Variants in BAALC observed in about 807,000 individuals in gnomAD.
The protein encoded by BAALC is BAALC binder of MAP3K1 and KLF4, also known as brain and acute leukemia cytoplasmic protein.
In BAALC, 9 loss-of-function variants were observed where a neutral mutation model predicts 15.5. The ratio of observed to expected loss-of-function variants is 0.58; its 90% confidence interval spans 0.35 to 1.02. BAALC has a LOEUF of 1.02. Ranked by LOEUF, BAALC falls within the 50% of genes least tolerant of loss-of-function variation. The pLI, the probability that BAALC is intolerant of heterozygous loss-of-function variation, is 0.02. For synonymous variants in BAALC, 80 were observed against 74.6 expected, an observed-to-expected ratio of 1.07 and a Z score of -0.37; for missense variants, 201 against 192.4, an observed-to-expected ratio of 1.04 and a Z score of -0.27.
intron 1 of BAALC, among the ~76,000 whole-genome samples, chr8:103,211,755 T>C (rs1465196358): frequency 2.6e-5 from 4 of 152,228 alleles, no homozygotes; most frequent in Non-Finnish European, 5.9e-5. Context: ...ATACCAGTCT[T>C]CTTAACCTGG....
chr8:103,169,289 C>T (rs917928460), intron 1 of BAALC, among the ~76,000 whole-genome samples: 4 of 152,054 alleles, frequency 2.6e-5, no homozygotes, highest in African/African-American at 7.2e-5. Flanking sequence ...CTTTTCATAG[C>T]ATCTCATTCT....
chr8:103,182,170 A>G (rs1250872132), intron 1 of BAALC, among the ~76,000 whole-genome samples: 1 of 152,064 alleles, frequency 6.6e-6, no homozygotes, highest in Non-Finnish European at 1.5e-5. Flanking sequence ...AGGAACCCCC[A>G]TTTCTTCATC....
intron 2 of BAALC, among the ~76,000 whole-genome samples, chr8:103,224,926 T>C (rs1008222416): frequency 6.6e-6 from 1 of 152,120 alleles, no homozygotes; most frequent in Non-Finnish European, 1.5e-5. Flanking sequence ...ACCCCTTAGA[T>C]AGGAGTTGGG....
chr8:103,148,063 C>T (rs1465057360), intron 1 of BAALC, among the ~76,000 whole-genome samples: 1 of 152,170 alleles, frequency 6.6e-6, no homozygotes, highest in South Asian at 2.1e-4. Flanking sequence ...GAAGCCCTAA[C>T]CCCCTCTCTA....
intron 1 of BAALC, among the ~76,000 whole-genome samples, chr8:103,157,589 C>T (rs536443061): frequency 1.3e-5 from 2 of 152,272 alleles, no homozygotes; most frequent in African/African-American, 2.4e-5. Flanking sequence ...AGGAGGATCA[C>T]CTGAGCCTAT....
At chr8:103,216,655 T>C (rs1812563105) in intron 2 of BAALC, among the ~76,000 whole-genome samples, 3 of 152,116 alleles carry the variant, frequency 2.0e-5, no homozygotes, top group Non-Finnish European at 4.4e-5. Flanking sequence ...TGTTAATTAT[T>C]TGCAGAGAGG....
chr8:103,213,414 C>G (rs1812495225), intron 2 of BAALC: 1 of 192,030 alleles, frequency 5.2e-6, no homozygotes, highest in South Asian at 1.8e-4. Flanking sequence ...GCTGGCCAGT[C>G]TCAGGGGTTG....
chr8:103,230,258 C>A lies in BAALC; in HGVS notation c.*2159C>A, dbSNP rs1405049973. ...TCCTTACTATCCTATTAGGATACCA[C>A]TTTTCATTGCAAAGTTTGTGTCAAT... On this transcript the variant is annotated 3_prime_UTR_variant, in exon 3 of 3. Transcript: ENST00000309982. 1.3e-5 allele frequency: 2 copies of A among 152,170 alleles called. No individual in the cohort carries two copies. The highest frequency in any genetic ancestry group is 1.5e-5 in the Non-Finnish European group (1 of 68,032). The allele number at this position is 152,170 out of a possible 1,614,324, so 9.4% of individuals were successfully genotyped here.
At chr8:103,146,129 C>A (rs762869506) in intron 1 of BAALC, among the ~76,000 whole-genome samples, 5 of 152,146 alleles carry the variant, frequency 3.3e-5, no homozygotes, top group Non-Finnish European at 7.4e-5. Context: ...TCAGCATTGT[C>A]CATGGTCCAT....
chr8:103,166,159 GTC>G (rs1439043395), intron 1 of BAALC: 1 of 152,624 alleles, frequency 6.6e-6, no homozygotes, highest in African/African-American at 2.4e-5. Flanking sequence ...TTTGCATCAT[GTC>G]TTTTAGGGAT....
rs1812882934 is a variant in BAALC, at chr8:103,229,692, T to C, written c.*1593T>C. 1 of 152,206 alleles carries C rather than the reference T, an allele frequency of 6.6e-6. No individual in the cohort carries two copies. The highest frequency in any genetic ancestry group is 2.4e-5 in the African/African-American group (1 of 41,450). 9.4% of individuals were successfully genotyped at this position (152,206 alleles called of 1,614,324 possible). ...GCAAATCACTCTGCAATGGAAACTTTTATATTCAGGGTAGGTTTGTGTCTT... is the reference window on the plus strand; with the variant it reads ...GCAAATCACTCTGCAATGGAAACTTCTATATTCAGGGTAGGTTTGTGTCTT... On this transcript the variant is annotated 3_prime_UTR_variant, in exon 3 of 3. Coordinates refer to ENST00000309982, the MANE Select transcript of BAALC (RefSeq NM_024812.3).
chr8:103,145,748 C>A (rs1308061056), intron 1 of BAALC, among the ~76,000 whole-genome samples: 2 of 152,092 alleles, frequency 1.3e-5, no homozygotes, highest in East Asian at 3.9e-4. Context: ...TGCTATGTAC[C>A]CAGCACCTGG....
intron 1 of BAALC, among the ~76,000 whole-genome samples, chr8:103,160,122 G>A (rs1811188900): frequency 6.6e-6 from 1 of 151,986 alleles, no homozygotes; most frequent in Non-Finnish European, 1.5e-5. Context: ...AACAGTGGAG[G>A]GTGTCCAGGT....
chr8:103,188,132 C>G (rs1206310474), intron 1 of BAALC, among the ~76,000 whole-genome samples: 1 of 152,068 alleles, frequency 6.6e-6, no homozygotes, highest in Non-Finnish European at 1.5e-5. Context: ...TGTCATGGAC[C>G]CAGCATCTCC....
At chr8:103,220,946 T>C (rs1244355995) in intron 2 of BAALC, among the ~76,000 whole-genome samples, 1 of 152,240 alleles carries the variant, frequency 6.6e-6, no homozygotes, top group African/African-American at 2.4e-5. Context: ...AATCCCATGT[T>C]AGGTACAGAT....
At chr8:103,170,376 G>A (rs544338930) in intron 1 of BAALC, among the ~76,000 whole-genome samples, 1 of 152,206 alleles carries the variant, frequency 6.6e-6, no homozygotes, top group East Asian at 1.9e-4. Context: ...GTACATGTGA[G>A]TGTGGCCTTA....
chr8:103,173,179 C>T (rs553798683), intron 1 of BAALC, among the ~76,000 whole-genome samples: 43 of 152,196 alleles, frequency 2.8e-4, no homozygotes, highest in Non-Finnish European at 5.4e-4. Context: ...CTTTAGCCAT[C>T]CACGGCACTT....
At chr8:103,220,671 T>C (rs1173350364) in intron 2 of BAALC, among the ~76,000 whole-genome samples, 6 of 152,152 alleles carry the variant, frequency 3.9e-5, no homozygotes, top group African/African-American at 1.4e-4. Flanking sequence ...GTAAAGAACA[T>C]AGGGAGAGAG....
At chr8:103,220,041 A>G (rs1441967954) in intron 2 of BAALC, among the ~76,000 whole-genome samples, 3 of 152,222 alleles carry the variant, frequency 2.0e-5, no homozygotes, top group Non-Finnish European at 4.4e-5. Flanking sequence ...TATCTGGTCA[A>G]CATGGCCCAA....
Sources: allele counts gnomAD v4.1 joint callset (sites outside exome capture counted in the v4.1 genomes callset), GRCh38; gene constraint gnomAD v4.1.1; transcripts MANE v1.5; gene names NCBI Gene and HGNC (gene_info 2026-07-23, HGNC 2026-07-21).